Variants in ZNRF3 observed in about 807,000 individuals in gnomAD.
ZNRF3 encodes the protein E3 ubiquitin-protein ligase ZNRF3.
ZNRF3 carries 23 observed loss-of-function variants against 72.5 expected under a neutral mutation model. That is an observed-to-expected ratio of 0.32 (90% CI 0.23 to 0.45). The LOEUF (loss-of-function observed/expected upper bound fraction) is 0.45. ZNRF3 is among the 20% of genes least tolerant of loss of function. ZNRF3 has a pLI of 1.00. For synonymous variants in ZNRF3, 610 were observed against 545.3 expected, an observed-to-expected ratio of 1.12 and a Z score of -1.65; for missense variants, 1,169 against 1,272.1, an observed-to-expected ratio of 0.92 and a Z score of 1.23.
At chr22:28,917,521 ACT>A (rs1052178794) in intron 1 of ZNRF3, 5 of 874,302 alleles carry the variant, frequency 5.7e-6, no homozygotes, top group Admixed American at 6.2e-5. Context: ...GGTAAGATAT[ACT>A]CTCTGTAGGC....
intron 1 of ZNRF3, among the ~76,000 whole-genome samples, chr22:28,952,785 A>T (rs779106947): frequency 6.6e-6 from 1 of 152,238 alleles, no homozygotes; most frequent in Non-Finnish European, 1.5e-5. Context: ...TTATGAAGGT[A>T]TATTAGGTAA....
intron 2 of ZNRF3, chr22:29,017,864 A>G (rs1455572899): frequency 4.8e-6 from 2 of 412,552 alleles, no homozygotes; most frequent in Non-Finnish European, 9.7e-6. Flanking sequence ...ATTGTTCTAG[A>G]AAAATTGGGC....
intron 1 of ZNRF3, among the ~76,000 whole-genome samples, chr22:28,920,750 C>T (rs149868641): frequency 3.3e-5 from 5 of 152,332 alleles, no homozygotes; most frequent in East Asian, 3.9e-4. Context: ...AGCTTTGTTA[C>T]GGTTGAAGGT....
Position 29,050,002 on chromosome 22 carries a change from C to T in ZNRF3, c.1821C>T (p.Ala607=). 6.2e-7 allele frequency: 1 copy of T among 1,612,018 alleles called. No individual in the cohort carries two copies. Among genetic ancestry groups the T allele is most frequent in the East Asian group, 2.2e-5 (1 of 44,856 alleles). Residue 607 remains alanine (A), a synonymous_variant, in exon 8 of 9, where the codon GCC becomes GCT. Coordinates refer to ENST00000544604, the MANE Select transcript of ZNRF3 (RefSeq NM_001206998.2). ...FIYRSRSPCR[A]SEAGGSGSSG... ...ACCGCAGCCGGAGCCCCTGTCGTGC[C>T]AGTGAGGCGGGGGGCTCGGGCAGCT... is the stretch of plus-strand genomic sequence containing the variant.
At chr22:29,034,514 C>T (rs1224002942) in intron 2 of ZNRF3, among the ~76,000 whole-genome samples, 1 of 152,100 alleles carries the variant, frequency 6.6e-6, no homozygotes, top group Non-Finnish European at 1.5e-5. Context: ...ACAGGAGTTG[C>T]TGCAAACAGG....
intron 1 of ZNRF3, among the ~76,000 whole-genome samples, chr22:28,901,583 T>A (rs1301419234): frequency 6.6e-6 from 1 of 151,716 alleles, no homozygotes; most frequent in Non-Finnish European, 1.5e-5. Flanking sequence ...ATCAGCTGAC[T>A]GGCGCATGGA....
At chr22:28,959,178 T>G (rs1164751908) in intron 1 of ZNRF3, among the ~76,000 whole-genome samples, 1 of 152,222 alleles carries the variant, frequency 6.6e-6, no homozygotes, top group African/African-American at 2.4e-5. Context: ...GGCAGGCAGC[T>G]CAGCTTGCAT....
intron 1 of ZNRF3, among the ~76,000 whole-genome samples, chr22:28,936,942 C>T (rs2034830085): frequency 2.0e-5 from 3 of 152,004 alleles, no homozygotes. Flanking sequence ...CAAAGAAGGG[C>T]ATTGAGCGGC....
chr22:29,034,329 A>G (rs962926260), intron 2 of ZNRF3, among the ~76,000 whole-genome samples: 2 of 152,186 alleles, frequency 1.3e-5, no homozygotes, highest in Non-Finnish European at 2.9e-5. Context: ...TATGGGTGCC[A>G]TTTAGTAATT....
chr22:28,917,647 G>C (rs2034433596), intron 1 of ZNRF3, among the ~76,000 whole-genome samples: 1 of 152,084 alleles, frequency 6.6e-6, no homozygotes, highest in South Asian at 2.1e-4. Context: ...ATCCAGCCTG[G>C]GCAATAGTGA....
intron 1 of ZNRF3, among the ~76,000 whole-genome samples, chr22:28,959,027 T>G (rs2035308423): frequency 6.6e-6 from 1 of 152,254 alleles, no homozygotes; most frequent in Non-Finnish European, 1.5e-5. Context: ...ATTAACCTTT[T>G]GCATACTCTC....
chr22:28,920,272 A>C (rs1182911091), intron 1 of ZNRF3, among the ~76,000 whole-genome samples: 2 of 135,936 alleles, frequency 1.5e-5, no homozygotes, highest in African/African-American at 2.8e-5. Context: ...GGCCTATTTT[A>C]TTTTATTTTT....
At chr22:29,043,605 C>A (rs966263859) in intron 4 of ZNRF3, among the ~76,000 whole-genome samples, 175 bp downstream of exon 4, 1 of 152,166 alleles carries the variant, frequency 6.6e-6, no homozygotes, top group Admixed American at 6.5e-5. Flanking sequence ...ACTCATGTTC[C>A]TTTATAGTGA....
chr22:28,982,844 C>T lies in ZNRF3; in HGVS notation c.301-4232C>T, dbSNP rs559362235. Among the ~76,000 whole-genome samples the T allele has an allele frequency of 1.1e-4, 17 of 152,164 alleles. No homozygotes were observed. The South Asian group carries it at 3.3e-3, about 30-fold the overall frequency. On this transcript the variant is annotated intron_variant, in intron 1 of 8. Transcript: ENST00000544604. Reference sequence around the variant, plus strand: ...GAAATGGCTGGAGGCCTAGGGTGGCCGATGCTGTCGTCAGGGGCCAGCTGA... The same window carrying T: ...GAAATGGCTGGAGGCCTAGGGTGGCTGATGCTGTCGTCAGGGGCCAGCTGA...
At chr22:29,024,691 A>T (rs1395025096) in intron 2 of ZNRF3, among the ~76,000 whole-genome samples, 2 of 152,090 alleles carry the variant, frequency 1.3e-5, no homozygotes, top group African/African-American at 4.8e-5. Context: ...GTATATGCTC[A>T]ATAAGTATTT....
At position 28,898,894 on chromosome 22, in the gene ZNRF3, T is replaced by C. The variant is rs187824190; in HGVS notation, c.300+14828T>C. 9.5e-4 allele frequency among the ~76,000 whole-genome samples: 145 copies of C among 152,178 alleles called. 3 individuals carry two copies. The highest frequency in any genetic ancestry group is 9.5e-3 in the Admixed American group (145 of 15,274). ...AAGCATTTGGGAAATTATTGAATTA[T>C]TGCTTAGTTCTGTATAAGTTGACAT... is the stretch of plus-strand genomic sequence containing the variant. On this transcript the variant is annotated intron_variant, in intron 1 of 8. Transcript: ENST00000544604.
intron 8 of ZNRF3, among the ~76,000 whole-genome samples, chr22:29,052,446 G>A (rs2037222931): frequency 6.6e-6 from 1 of 152,208 alleles, no homozygotes; most frequent in Non-Finnish European, 1.5e-5. Context: ...TGTAATCCCA[G>A]CACTTTGGGA....
rs1436547977 is a variant in ZNRF3 at position 29,049,309 on chromosome 22, C to T, written c.1128C>T (p.Asn376=). 3.7e-6 allele frequency: 6 copies of T among 1,613,830 alleles called. No homozygotes were observed. The highest frequency in any genetic ancestry group is 2.2e-5 in the East Asian group (1 of 44,876). The change falls in exon 8 of 9, where the codon AAC becomes AAT. Residue 376 remains asparagine, a synonymous_variant. Coordinates refer to ENST00000544604, the MANE Select transcript of ZNRF3 (RefSeq NM_001206998.2). The surrounding 1 kb of genome is among the most constrained non-coding windows in gnomAD (Gnocchi z 5.2). ...ACCCCGGCCGCGTGCACAGGACCAACGCCATCCCAGCCTACCCTACGAGGA... is the reference window on the plus strand; with the variant it reads ...ACCCCGGCCGCGTGCACAGGACCAATGCCATCCCAGCCTACCCTACGAGGA... The part of the protein sequence containing the change: ...VHYPGRVHRT[N]AIPAYPTRTS...
At chr22:29,044,575 G>A (rs1291463898) in intron 4 of ZNRF3, among the ~76,000 whole-genome samples, 2 of 152,158 alleles carry the variant, frequency 1.3e-5, no homozygotes, top group South Asian at 2.1e-4. Flanking sequence ...CGCCACAGGC[G>A]TCCCCCTGGG....
Sources: gnomAD v4.1 joint callset for allele counts (sites outside exome capture counted in the v4.1 genomes callset) on GRCh38, gnomAD v4.1.1 for gene constraint, Gnocchi (gnomAD v3.1) non-coding constraint, MANE v1.5 for transcripts, NCBI Gene and HGNC (gene_info 2026-07-23, HGNC 2026-07-21) for gene names.